Variants in PTPRR observed in about 807,000 individuals in gnomAD.
PTPRR encodes the protein receptor-type tyrosine-protein phosphatase R.
A neutral mutation model predicts 77.2 loss-of-function variants in PTPRR; 38 were observed. The ratio of observed to expected loss-of-function variants is 0.49; its 90% CI spans 0.38 to 0.65. The LOEUF (loss-of-function observed/expected upper bound fraction) is 0.65, where lower values mean the gene tolerates loss of function less well. PTPRR is among the 30% of genes least tolerant of loss of function. PTPRR has a pLI of 0.00. For synonymous variants in PTPRR, 299 were observed against 283.1 expected, an observed-to-expected ratio of 1.06 and a Z score of -0.57; for missense variants, 744 against 799.2, an observed-to-expected ratio of 0.93 and a Z score of 0.83.
chr12:70,768,262 T>C (rs1181364898), intron 2 of PTPRR, among the ~76,000 whole-genome samples: 14 of 152,030 alleles, frequency 9.2e-5, no homozygotes, highest in South Asian at 8.3e-4. Flanking sequence ...ATTGATAGAC[T>C]GCTAGCAAGA....
Position 70,660,850 on chromosome 12 carries a change from CAT to C in PTPRR, c.1766+88_1766+89del, listed in dbSNP as rs1046337728. ...AATATTTAATTTGCCAACAAAGTCA[CAT>C]CCAGGAAGCAAAACCCACTTGCACC... is the stretch of plus-strand genomic sequence containing the variant. On this transcript the variant is annotated intron_variant, in intron 12 of 13. Coordinates refer to ENST00000283228, the MANE Select transcript of PTPRR (RefSeq NM_002849.4). The C allele has an allele frequency of 6.2e-6, 8 of 1,283,696 alleles. No homozygotes were observed. The Admixed American group carries it at 1.7e-4, about 27-fold the overall frequency. The allele number at this position is 1,283,696 out of a possible 1,614,324, so 79.5% of individuals were successfully genotyped here.
intron 4 of PTPRR, among the ~76,000 whole-genome samples, chr12:70,757,507 A>G (rs996824998): frequency 3.9e-5 from 6 of 152,190 alleles, no homozygotes; most frequent in African/African-American, 1.4e-4. Context: ...ATACAAATAT[A>G]TAAAGGAAAT....
chr12:70,651,379 C>G (rs140988271), intron 13 of PTPRR, among the ~76,000 whole-genome samples: 1 of 152,214 alleles, frequency 6.6e-6, no homozygotes, highest in African/African-American at 2.4e-5. Context: ...AAAGATAATT[C>G]TTTTAAAAGA....
chr12:70,854,834 G>C (rs1372208710), intron 2 of PTPRR, among the ~76,000 whole-genome samples: 1 of 152,138 alleles, frequency 6.6e-6, no homozygotes, highest in Non-Finnish European at 1.5e-5. Flanking sequence ...TTGTTGTGAG[G>C]GTTAAATGTA....
At position 70,698,307 on chromosome 12, in the gene PTPRR, G is replaced by T. The variant is rs1281780081; in HGVS notation, c.1237C>A (p.Pro413Thr). The T allele has an allele frequency of 1.2e-6, 2 of 1,613,068 alleles. No homozygotes were observed. Among genetic ancestry groups the T allele is most frequent in the Non-Finnish European group, 1.7e-6 (2 of 1,179,390 alleles). ...TAGCGATTTTTAGTTCCATGACGCGGAATATCAATTTCTTTGGGATCCACA... is the reference window on the plus strand; with the variant it reads ...TAGCGATTTTTAGTTCCATGACGCGTAATATCAATTTCTTTGGGATCCACA... Reference protein sequence around the residue: ...NFVDPKEIDIPRHGTKNRYKT... With the variant: ...NFVDPKEIDITRHGTKNRYKT... Residue 413 changes from proline (P) to threonine (T), a missense_variant, in exon 8 of 14, where the codon CCG becomes ACG. Transcript: ENST00000283228.
chr12:70,893,764 GAC>G (rs1240610582), intron 1 of PTPRR, among the ~76,000 whole-genome samples: 23 of 151,856 alleles, frequency 1.5e-4, no homozygotes, highest in Non-Finnish European at 4.4e-5. Context: ...AGAGCACTAA[GAC>G]AAAATATTCT....
intron 6 of PTPRR, among the ~76,000 whole-genome samples, chr12:70,711,091 T>A (rs1234676871): frequency 6.6e-6 from 1 of 152,178 alleles, no homozygotes; most frequent in African/African-American, 2.4e-5. Context: ...CATTCACACA[T>A]ATGTTCATTG....
chr12:70,847,025 C>T (rs1386701070), intron 2 of PTPRR, among the ~76,000 whole-genome samples: 1 of 152,122 alleles, frequency 6.6e-6, no homozygotes, highest in African/African-American at 2.4e-5. Flanking sequence ...AGGCACTGTA[C>T]ATCCTAGTGC....
At chr12:70,682,338 C>T (rs1395764282) in intron 10 of PTPRR, among the ~76,000 whole-genome samples, 3 of 152,216 alleles carry the variant, frequency 2.0e-5, no homozygotes, top group South Asian at 2.1e-4. Flanking sequence ...CCACCGCGCC[C>T]GGCCGTTGTT....
intron 2 of PTPRR, among the ~76,000 whole-genome samples, chr12:70,831,124 C>T (rs1371439458): frequency 1.3e-5 from 2 of 152,130 alleles, no homozygotes; most frequent in Non-Finnish European, 2.9e-5. Context: ...GCTTGAGTTC[C>T]TTAGAACATT....
In PTPRR at chr12:70,746,010, G is replaced by A. The variant is rs143042289; in HGVS notation, c.815C>T (p.Ser272Leu). The change falls in exon 6 of 14, where the codon TCG (serine) becomes TTG (leucine). Residue 272 changes from serine to leucine, a missense_variant. Transcript: ENST00000283228. ...DKEKNQEIHL[S>L]PITLQPALSE... Reference sequence around the variant, plus strand: ...CAGTGCTGGCTGTAATGTGATGGGCGATAGGTGGATCTCCTGGTTTTTCTC... The same window carrying A: ...CAGTGCTGGCTGTAATGTGATGGGCAATAGGTGGATCTCCTGGTTTTTCTC... 1.6e-5 allele frequency: 26 copies of A among 1,613,796 alleles called. 1 individual carries two copies. In the African/African-American group the frequency reaches 2.0e-4, roughly 12 times the overall value.
At chr12:70,889,888 G>A (rs536199197) in intron 2 of PTPRR, among the ~76,000 whole-genome samples, 6 of 152,068 alleles carry the variant, frequency 3.9e-5, no homozygotes, top group African/African-American at 1.4e-4. Flanking sequence ...CCGTTTCACT[G>A]ATGTCAAAAA....
chr12:70,908,302 A>G (rs931233175), intron 1 of PTPRR, among the ~76,000 whole-genome samples: 1 of 152,200 alleles, frequency 6.6e-6, no homozygotes, highest in Non-Finnish European at 1.5e-5. Flanking sequence ...AAGTGGGTGT[A>G]TTAGTCCATT....
intron 2 of PTPRR, among the ~76,000 whole-genome samples, chr12:70,797,569 A>G (rs1015764199): frequency 6.6e-6 from 1 of 152,124 alleles, no homozygotes. Flanking sequence ...CTGCTCTTCA[A>G]TCACTCTCAT....
chr12:70,747,177 CT>C (rs1890239882), intron 5 of PTPRR, among the ~76,000 whole-genome samples: 1 of 152,114 alleles, frequency 6.6e-6, no homozygotes, highest in Non-Finnish European at 1.5e-5. Context: ...TAACTCACTG[CT>C]TCTCTTCAGT....
At chr12:70,784,010 C>T (rs901732824) in intron 2 of PTPRR, among the ~76,000 whole-genome samples, 1 of 152,174 alleles carries the variant, frequency 6.6e-6, no homozygotes, top group African/African-American at 2.4e-5. Context: ...AGCCCGGCAA[C>T]AGAGACAGGC....
intron 2 of PTPRR, among the ~76,000 whole-genome samples, chr12:70,812,987 TCAAATCTGAGAGAAAGAATTTTAG>T (rs1245250663): frequency 3.3e-5 from 5 of 152,232 alleles, no homozygotes. Context: ...TTTTAACTTT[TCAAATCTGAGAGAAAGAATTTTAG>T]AACTCTCCGA....
chr12:70,651,543 A>G (rs61930337), intron 13 of PTPRR, among the ~76,000 whole-genome samples: 3,818 of 152,292 alleles, frequency 0.025, 75 homozygotes, highest in South Asian at 0.11. Flanking sequence ...CCAACTATTC[A>G]TAAAGGAGCT....
rs73345133 is a variant in PTPRR, at chr12:70,780,824, C to T, written c.358-16046G>A. ...AGTCTCCCTAGAAGAGGAAAAGTGACTTGTGTAACTGGTGCATTTGGAATA... is the reference window on the plus strand; with the variant it reads ...AGTCTCCCTAGAAGAGGAAAAGTGATTTGTGTAACTGGTGCATTTGGAATA... On this transcript the variant is annotated intron_variant, in intron 2 of 13. Coordinates refer to ENST00000283228, the MANE Select transcript of PTPRR (RefSeq NM_002849.4). Among the ~76,000 whole-genome samples, 1,017 of 152,224 alleles carry T rather than the reference C, an allele frequency of 6.7e-3. 10 individuals are homozygous for T. The highest frequency in any genetic ancestry group is 0.023 in the African/African-American group (956 of 41,522).
Sources: allele counts gnomAD v4.1 joint callset (sites outside exome capture counted in the v4.1 genomes callset), GRCh38; gene constraint gnomAD v4.1.1; transcripts MANE v1.5; gene names NCBI Gene and HGNC (gene_info 2026-07-23, HGNC 2026-07-21).